TRAK2: variants seen among roughly 807,000 people sequenced by gnomAD.
TRAK2 encodes trafficking kinesin protein 2, also known as trafficking kinesin-binding protein 2.
TRAK2 carries 81 observed loss-of-function variants against 104.6 expected under a neutral mutation model. The ratio of observed to expected loss-of-function variants is 0.77; its 90% CI spans 0.65 to 0.93. TRAK2 has a LOEUF of 0.93. TRAK2 is among the 40% of genes least tolerant of loss of function. TRAK2 has a pLI of 0.00. For missense variants in TRAK2, 1,002 were observed against 1,089.0 expected, an observed-to-expected ratio of 0.92 and a Z score of 1.12; for synonymous variants, 406 against 394.4, an observed-to-expected ratio of 1.03 and a Z score of -0.35.
At chr2:201,424,202 C>T (rs1487711229) in intron 1 of TRAK2, among the ~76,000 whole-genome samples, 1 of 152,158 alleles carries the variant, frequency 6.6e-6, no homozygotes, top group East Asian at 1.9e-4. Context: ...CAATCACTGG[C>T]TACCTGAGCA....
At chr2:201,389,654 C>T (rs1951426800) in intron 11 of TRAK2, 147 bp downstream of exon 11, 3 of 1,078,322 alleles carry the variant, frequency 2.8e-6, no homozygotes, top group Middle Eastern at 2.1e-4. Flanking sequence ...CAAGAGAACT[C>T]TCTCACAAAA....
At chr2:201,402,149 C>T (rs1057099097) in intron 3 of TRAK2, among the ~76,000 whole-genome samples, 5 of 152,138 alleles carry the variant, frequency 3.3e-5, no homozygotes, top group South Asian at 2.1e-4. Flanking sequence ...TTAACTGCTA[C>T]GTATCATATA....
intron 1 of TRAK2, among the ~76,000 whole-genome samples, chr2:201,430,284 G>A (rs981991510): frequency 1.1e-4 from 17 of 152,238 alleles, no homozygotes; most frequent in Admixed American, 3.3e-4. Flanking sequence ...TCAGGGACCC[G>A]CTTGAGGAGG....
intron 1 of TRAK2, among the ~76,000 whole-genome samples, chr2:201,442,102 G>T (rs1037313595): frequency 4.6e-5 from 7 of 151,432 alleles, no homozygotes; most frequent in African/African-American, 1.7e-4. Context: ...GATACGAGCA[G>T]AGAGCAAGCT....
Position 201,380,587 on chromosome 2 carries a change from CTGGGGCAGCAAAGCTACCCATTA to C in TRAK2, c.2678_2700del (p.Ile893SerfsTer20), listed in dbSNP as rs1559434910. ...CCCATTTTGGGTGAGGATGTGCAAA[CTGGGGCAGCAAAGCTACCCATTA>C]TGACTGGAAGACTCTGATTCCTCCT... is the stretch of plus-strand genomic sequence containing the variant. On this transcript the variant is annotated frameshift_variant, in exon 16 of 16. Transcript: ENST00000332624. LOFTEE classifies it high-confidence loss of function. The C allele has an allele frequency of 1.2e-5, 19 of 1,613,964 alleles. 1 individual carries two copies. The South Asian group carries it at 1.8e-4, about 15-fold the overall frequency.
rs898302278 is a variant in TRAK2 at position 201,377,568 on chromosome 2, C to G, written c.*2975G>C. 3 of 152,580 alleles carry G rather than the reference C, an allele frequency of 2.0e-5. No homozygotes were observed. 9.5% of individuals were successfully genotyped at this position (152,580 alleles called of 1,614,324 possible). A position where few individuals can be genotyped will look rare whatever the true frequency, so the allele number is the denominator to read the frequency against. On this transcript the variant is annotated 3_prime_UTR_variant, in exon 16 of 16. Coordinates refer to ENST00000332624, the MANE Select transcript of TRAK2 (RefSeq NM_015049.3). ...CAGAAAAGATAACAAGCTTTGAGTACTGTGTAAAATTATACCCTTTATAGG... is the reference window on the plus strand; with the variant it reads ...CAGAAAAGATAACAAGCTTTGAGTAGTGTGTAAAATTATACCCTTTATAGG...
At chr2:201,410,224 C>T (rs952455622) in intron 2 of TRAK2, among the ~76,000 whole-genome samples, 6 of 152,108 alleles carry the variant, frequency 3.9e-5, no homozygotes, top group African/African-American at 1.4e-4. Context: ...ATGGCGTGAA[C>T]CCGCCACTGA....
intron 2 of TRAK2, among the ~76,000 whole-genome samples, 180 bp downstream of exon 2, chr2:201,420,237 A>G (rs1951728192): frequency 6.6e-6 from 1 of 152,218 alleles, no homozygotes. Flanking sequence ...TGAAAGGCAG[A>G]TTCTGTTAAT....
chr2:201,421,707 G>C (rs1951742238), intron 1 of TRAK2, among the ~76,000 whole-genome samples: 1 of 152,086 alleles, frequency 6.6e-6, no homozygotes, highest in Admixed American at 6.5e-5. Flanking sequence ...TATATTCTTT[G>C]CTGGAGATGG....
chr2:201,392,902 T>G lies in TRAK2; in HGVS notation c.1113+7A>C. ...TTAAATACATAGCATCTTTCTTAGTTGCTTACCCCAGTAAAAGCTCCATAT... is the reference window on the plus strand; with the variant it reads ...TTAAATACATAGCATCTTTCTTAGTGGCTTACCCCAGTAAAAGCTCCATAT... On this transcript the variant is annotated splice_region_variant and intron_variant, in intron 10 of 15. Transcript: ENST00000332624. 6.2e-7 allele frequency: 1 copy of G among 1,606,066 alleles called. No homozygotes were observed. The highest frequency in any genetic ancestry group is 1.1e-5 in the South Asian group (1 of 90,112).
intron 3 of TRAK2, among the ~76,000 whole-genome samples, chr2:201,405,359 C>T (rs1218598100): frequency 5.9e-5 from 9 of 152,260 alleles, no homozygotes; most frequent in East Asian, 3.9e-4. Flanking sequence ...ACACTCTCTC[C>T]GATTCCTTAA....
At chr2:201,397,428 C>A in intron 7 of TRAK2, 74 bp downstream of exon 7, 1 of 1,005,930 alleles carries the variant, frequency 9.9e-7, no homozygotes, top group Non-Finnish European at 1.5e-6. Context: ...AACCAGTGAT[C>A]TAACTTCCGA....
At chr2:201,386,617 G>T in intron 13 of TRAK2, 133 bp from the exon 14 acceptor site, 1 of 1,218,796 alleles carries the variant, frequency 8.2e-7, no homozygotes, top group Non-Finnish European at 1.1e-6. Flanking sequence ...TTAATAATTT[G>T]GTAAAAGCTG....
intron 2 of TRAK2, among the ~76,000 whole-genome samples, chr2:201,413,567 C>A (rs1951667092): frequency 1.3e-5 from 2 of 152,024 alleles, no homozygotes; most frequent in African/African-American, 4.8e-5. Flanking sequence ...GAGATCAAAT[C>A]AAGACTGCTA....
chr2:201,389,599 C>A, intron 11 of TRAK2, 96 bp from the exon 12 acceptor site: 1 of 1,228,034 alleles, frequency 8.1e-7, no homozygotes, highest in Admixed American at 1.9e-5. Flanking sequence ...TAAAGCCACC[C>A]TGAGGAGCTA....
At chr2:201,381,370 T>C (rs1951343954) in intron 15 of TRAK2, 152 bp from the exon 16 acceptor site, 1 of 660,994 alleles carries the variant, frequency 1.5e-6, no homozygotes, top group East Asian at 2.8e-5. Flanking sequence ...GGAACAGATC[T>C]GGGGAATGAA....
At chr2:201,413,389 C>G (rs1016586535) in intron 2 of TRAK2, 22 of 615,816 alleles carry the variant, frequency 3.6e-5, no homozygotes, top group Admixed American at 3.0e-4. Flanking sequence ...TTCCCCACCC[C>G]CCTAAACACA....
Position 201,443,926 on chromosome 2 carries a change from C to T in TRAK2, c.-200+7424G>A, listed in dbSNP as rs79099451. ...CTTCTTAAAAAAAATCCAGGGCGGC[C>T]GCAGTGGCTCACGCCTGTAATCCCA... On this transcript the variant is annotated intron_variant, in intron 1 of 15. Coordinates refer to ENST00000332624, the MANE Select transcript of TRAK2 (RefSeq NM_015049.3). Among the ~76,000 whole-genome samples the T allele has an allele frequency of 9.1e-4, 138 of 152,232 alleles. 2 individuals carry two copies. In the East Asian group the frequency reaches 0.025, roughly 28 times the overall value.
At position 201,386,121 on chromosome 2, in the gene TRAK2, C is replaced by A. The variant is rs553334691; in HGVS notation, c.1963+97G>T. 122 of 1,307,248 alleles carry A rather than the reference C, an allele frequency of 9.3e-5. No individual in the cohort carries two copies. In the East Asian group the frequency reaches 2.7e-3, roughly 29 times the overall value. 81.0% of individuals were successfully genotyped at this position (1,307,248 alleles called of 1,614,324 possible). A position where few individuals can be genotyped will look rare whatever the true frequency, so the allele number is the denominator to read the frequency against. On this transcript the variant is annotated intron_variant, in intron 14 of 15. Transcript: ENST00000332624. ...TTATCTGATATGCAAGATTAAGTACCCTCCAGTGAGCAGAGGTAGCCAGCT... is the reference window on the plus strand; with the variant it reads ...TTATCTGATATGCAAGATTAAGTACACTCCAGTGAGCAGAGGTAGCCAGCT...
Sources: allele counts gnomAD v4.1 joint callset (sites outside exome capture counted in the v4.1 genomes callset), GRCh38; gene constraint gnomAD v4.1.1; transcripts MANE v1.5; gene names NCBI Gene and HGNC (gene_info 2026-07-23, HGNC 2026-07-21).